IARS2: variants seen among roughly 807,000 people sequenced by gnomAD.
The protein encoded by IARS2 is isoleucine--tRNA ligase, mitochondrial.
Under a neutral mutation model 126.3 loss-of-function variants are expected in IARS2, and 56 were observed. That is an observed-to-expected ratio of 0.44 (90% CI 0.36 to 0.55). The LOEUF (loss-of-function observed/expected upper bound fraction) is 0.55, where lower values mean the gene tolerates loss of function less well. Among genes scored for constraint, IARS2 ranks in the 20% least tolerant of loss-of-function variants. The probability of loss-of-function intolerance (pLI) is 0.00; values close to 1 mark genes in which losing one functional copy is unlikely to be tolerated. For synonymous variants in IARS2, 407 were observed against 441.1 expected (o/e 0.92, Z 0.97); for missense variants, 1,127 against 1,245.9 (o/e 0.90, Z 1.44).
In IARS2 at chr1:220,125,246, T is replaced by G; in HGVS notation, c.1650T>G (p.Thr550=). The change falls in exon 13 of 23, where the codon ACT becomes ACG. Residue 550 remains threonine, a synonymous_variant. Transcript: ENST00000366922. ...GTCCCCCCTGAAATAGCCAAACCAC[T>G]GAGCATATTGTTAAACTAGTGGAAC... ...KDEYLINSQT[T]EHIVKLVEQH... is the part of the protein sequence containing the mutation. 1 of 1,610,700 alleles carries G rather than the reference T, an allele frequency of 6.2e-7. No individual in the cohort carries two copies. Among genetic ancestry groups the G allele is most frequent in the Non-Finnish European group, 8.5e-7 (1 of 1,177,254 alleles).
rs1374593713 is a variant in IARS2 at position 220,110,846 on chromosome 1, A to C, written c.1388A>C (p.Tyr463Ser). Residue 463 changes from tyrosine (Y) to serine (S), a missense_variant, in exon 11 of 23, where the codon TAT (tyrosine) becomes TCT (serine). Coordinates refer to ENST00000366922, the MANE Select transcript of IARS2 (RefSeq NM_018060.4). ...LLKEEKLVHS[Y>S]PYDWRTKKPV... ...AAAGAGGAGAAATTGGTGCATAGCT[A>C]TCCGTATGACTGGAGGACCAAGAAA... 2.5e-6 allele frequency: 4 copies of C among 1,613,336 alleles called. No homozygotes were observed. The highest frequency in any genetic ancestry group is 3.4e-6 in the Non-Finnish European group (4 of 1,179,456).
chr1:220,120,934 C>T lies in IARS2; in HGVS notation c.1641-4303C>T, dbSNP rs144716011. ...GACTTTATTTAGAACATGATGTTTT[C>T]ATAATTCACAATATAAAGTAAGGAA... On this transcript the variant is annotated intron_variant, in intron 12 of 22. Transcript: ENST00000366922. 3.6e-3 allele frequency among the ~76,000 whole-genome samples: 543 copies of T among 152,194 alleles called. 5 individuals carry two copies. The highest frequency in any genetic ancestry group is 0.012 in the African/African-American group (505 of 41,528).
chr1:220,138,852 G>T (rs1457001136), intron 17 of IARS2, among the ~76,000 whole-genome samples, 156 bp from the exon 18 acceptor site: 1 of 151,924 alleles, frequency 6.6e-6, no homozygotes, highest in African/African-American at 2.4e-5. Flanking sequence ...TGTACTTTTT[G>T]TTTTTTATTT....
intron 12 of IARS2, among the ~76,000 whole-genome samples, chr1:220,124,607 T>G (rs1657116781): frequency 6.6e-6 from 1 of 152,184 alleles, no homozygotes; most frequent in Non-Finnish European, 1.5e-5. Context: ...TTGTGCATGG[T>G]CATATAAATA....
intron 12 of IARS2, among the ~76,000 whole-genome samples, chr1:220,117,673 A>T (rs1391403466): frequency 6.6e-6 from 1 of 152,158 alleles, no homozygotes; most frequent in Non-Finnish European, 1.5e-5. Context: ...ATTAAATGGT[A>T]CATAGGTTGA....
chr1:220,139,281 C>T, intron 18 of IARS2, 142 bp downstream of exon 18: 1 of 530,168 alleles, frequency 1.9e-6, no homozygotes, highest in Non-Finnish European at 3.1e-6. Context: ...CCAGACTTCC[C>T]CTCGGACCAG....
intron 12 of IARS2, among the ~76,000 whole-genome samples, chr1:220,114,728 A>G (rs1335739875): frequency 6.6e-6 from 1 of 151,996 alleles, no homozygotes; most frequent in Non-Finnish European, 1.5e-5. Flanking sequence ...ATTGGGCTGT[A>G]TTAAGGTATC....
chr1:220,126,655 T>C, intron 13 of IARS2, 95 bp from the exon 14 acceptor site: 1 of 862,490 alleles, frequency 1.2e-6, no homozygotes, highest in South Asian at 1.5e-5. Context: ...AACTTCATGG[T>C]TGCATTTCAT....
At chr1:220,142,355 G>A (rs183132220) in intron 20 of IARS2, among the ~76,000 whole-genome samples, 4 of 152,132 alleles carry the variant, frequency 2.6e-5, no homozygotes, top group Admixed American at 1.3e-4. Context: ...AAAAATTAGT[G>A]GGGCATGGTG....
chr1:220,112,519 G>A lies in IARS2; in HGVS notation c.1479+1582G>A, dbSNP rs374503186. On this transcript the variant is annotated intron_variant, in intron 11 of 22. Transcript: ENST00000366922. Reference sequence around the variant, plus strand: ...TTTCTTCCATATTATATATTGTCCCGGCGATATTTTAGCACATATATTTGA... The same window carrying A: ...TTTCTTCCATATTATATATTGTCCCAGCGATATTTTAGCACATATATTTGA... 7.3e-5 allele frequency among the ~76,000 whole-genome samples: 11 copies of A among 151,108 alleles called. No individual in the cohort carries two copies. In the South Asian group the frequency reaches 1.0e-3, roughly 14 times the overall value.
At chr1:220,141,722 A>T (rs1258898061) in intron 19 of IARS2, 81 bp from the exon 20 acceptor site, 1 of 1,395,856 alleles carries the variant, frequency 7.2e-7, no homozygotes, top group African/African-American at 1.4e-5. Context: ...CTAGGAATAA[A>T]CTCAACCTGA....
chr1:220,100,904 A>G (rs1259226282), intron 3 of IARS2, among the ~76,000 whole-genome samples: 1 of 152,184 alleles, frequency 6.6e-6, no homozygotes, highest in Non-Finnish European at 1.5e-5. Context: ...TTCATATTTT[A>G]AAAAACTATT....
intron 14 of IARS2, among the ~76,000 whole-genome samples, 175 bp downstream of exon 14, chr1:220,127,018 T>C (rs1246606558): frequency 2.0e-5 from 3 of 152,242 alleles, no homozygotes; most frequent in Non-Finnish European, 4.4e-5. Flanking sequence ...TTCTAAACCT[T>C]TTTCTGTTTT....
intron 14 of IARS2, among the ~76,000 whole-genome samples, chr1:220,134,131 G>T (rs1015793429): frequency 6.6e-6 from 1 of 152,050 alleles, no homozygotes; most frequent in Non-Finnish European, 1.5e-5. Flanking sequence ...TTAGATCCAC[G>T]TTATGCATTT....
intron 21 of IARS2, among the ~76,000 whole-genome samples, chr1:220,144,724 GA>G (rs1199751244): frequency 6.6e-6 from 1 of 151,988 alleles, no homozygotes; most frequent in Non-Finnish European, 1.5e-5. Context: ...AATTTTATTG[GA>G]AAAAATACTT....
chr1:220,131,464 G>A (rs1657265204), intron 14 of IARS2, among the ~76,000 whole-genome samples: 1 of 152,102 alleles, frequency 6.6e-6, no homozygotes, highest in Non-Finnish European at 1.5e-5. Flanking sequence ...CGATTCTCCT[G>A]CCTCAGCTTC....
At chr1:220,094,797 C>T (rs1023679042) in intron 1 of IARS2, among the ~76,000 whole-genome samples, 1 of 152,152 alleles carries the variant, frequency 6.6e-6, no homozygotes, top group Non-Finnish European at 1.5e-5. Context: ...AGACTTTGGG[C>T]ACTTTTCCAA....
At chr1:220,123,527 G>C (rs548921838) in intron 12 of IARS2, among the ~76,000 whole-genome samples, 8 of 152,270 alleles carry the variant, frequency 5.3e-5, no homozygotes, top group African/African-American at 1.9e-4. Context: ...AGGCTGGAGT[G>C]CAGTGGCGCG....
In IARS2 at chr1:220,145,492, C is replaced by A; in HGVS notation, c.2752-17C>A. On this transcript the variant is annotated splice_polypyrimidine_tract_variant and intron_variant, in intron 21 of 22. Coordinates refer to ENST00000366922, the MANE Select transcript of IARS2 (RefSeq NM_018060.4). ...CAAATTTAACATAAACTGTAACTTT[C>A]ACATGCTTCCTTCCAGATGCTGCAG... 6.3e-7 allele frequency: 1 copy of A among 1,586,718 alleles called. No homozygotes were observed. Among genetic ancestry groups the A allele is most frequent in the Non-Finnish European group, 8.6e-7 (1 of 1,165,948 alleles).
Sources: gnomAD v4.1 joint callset for allele counts (sites outside exome capture counted in the v4.1 genomes callset) on GRCh38, gnomAD v4.1.1 for gene constraint, MANE v1.5 for transcripts, NCBI Gene and HGNC (gene_info 2026-07-23, HGNC 2026-07-21) for gene names.